The following USH2A variants were observed in gnomAD, a reference collection of about 807,000 sequenced individuals.
USH2A encodes usherin.
Under a neutral mutation model 538.9 loss-of-function variants are expected in USH2A, and 443 were observed. That is an observed-to-expected ratio of 0.82 (90% CI 0.76 to 0.89). USH2A has a LOEUF of 0.89. Among genes scored for constraint, USH2A ranks in the 40% least tolerant of loss-of-function variants. The probability of loss-of-function intolerance (pLI) is 0.00; values close to 1 mark genes in which losing one functional copy is unlikely to be tolerated. For synonymous variants in USH2A, 2,413 were observed against 2,273.5 expected, an observed-to-expected ratio of 1.06 and a Z score of -1.75; for missense variants, 6,633 against 6,324.8, an observed-to-expected ratio of 1.05 and a Z score of -1.65.
At chr1:215,957,971 A>G (rs1418010629) in intron 37 of USH2A, among the ~76,000 whole-genome samples, 1 of 152,090 alleles carries the variant, frequency 6.6e-6, no homozygotes, top group Non-Finnish European at 1.5e-5. Context: ...CAGCTCTGAA[A>G]CCGCAGATTT....
Position 215,728,353 on chromosome 1 carries a change from A to G in USH2A, c.11743T>C (p.Leu3915=), listed in dbSNP as rs1418302113. ...RPAGIEEESV[L]FVWSEGALEF... The stretch of plus-strand genomic sequence containing the variant: ...AGGGCTCCTTCTGACCAGACAAATA[A>G]AACAGACTCCTCTTCAATGCCAGCA... The change falls in exon 61 of 72, where the codon TTA becomes CTA. Residue 3915 remains leucine (L), a synonymous_variant. Coordinates refer to ENST00000307340, the MANE Select transcript of USH2A (RefSeq NM_206933.4). The G allele has an allele frequency of 6.2e-7, 1 of 1,614,172 alleles. No homozygotes were observed. The highest frequency in any genetic ancestry group is 1.7e-5 in the Admixed American group (1 of 60,008).
chr1:215,639,317 G>T, intron 68 of USH2A, 79 bp from the exon 69 acceptor site: 2 of 1,304,804 alleles, frequency 1.5e-6, no homozygotes, highest in Non-Finnish European at 2.2e-6. Flanking sequence ...AAAGAGCAAT[G>T]CATCATAGCA....
chr1:215,657,565 C>A (rs528603939), intron 64 of USH2A, among the ~76,000 whole-genome samples: 37 of 152,308 alleles, frequency 2.4e-4, no homozygotes, highest in African/African-American at 8.4e-4. Context: ...TGCATAGAAC[C>A]TTGCTGGATA....
At chr1:216,177,673 T>C (rs1000758734) in intron 20 of USH2A, among the ~76,000 whole-genome samples, 3 of 152,176 alleles carry the variant, frequency 2.0e-5, no homozygotes, top group Non-Finnish European at 4.4e-5. Flanking sequence ...ACACTGGCAA[T>C]TCTTTGAAGG....
intron 4 of USH2A, among the ~76,000 whole-genome samples, chr1:216,336,862 T>C (rs1427947726): frequency 6.6e-6 from 1 of 151,550 alleles, no homozygotes; most frequent in African/African-American, 2.4e-5. Flanking sequence ...AAAATTTCTT[T>C]GACAAACAAC....
At chr1:216,362,957 AAAT>A (rs2038523284) in intron 4 of USH2A, among the ~76,000 whole-genome samples, 1 of 151,040 alleles carries the variant, frequency 6.6e-6, no homozygotes, top group Non-Finnish European at 1.5e-5. Flanking sequence ...AATAATAATA[AAAT>A]AATAATATTA....
At chr1:216,398,350 G>A (rs141586049) in intron 3 of USH2A, among the ~76,000 whole-genome samples, 172 of 152,046 alleles carry the variant, frequency 1.1e-3, no homozygotes, top group Non-Finnish European at 3.7e-4. Flanking sequence ...CCTAGTTTTC[G>A]TTGTTGTTTT....
At chr1:215,889,533 G>T (rs1360471907) in intron 40 of USH2A, among the ~76,000 whole-genome samples, 1 of 151,812 alleles carries the variant, frequency 6.6e-6, no homozygotes, top group East Asian at 1.9e-4. Flanking sequence ...TATTATACTT[G>T]GTTCTGTTTA....
intron 32 of USH2A, among the ~76,000 whole-genome samples, chr1:216,045,257 A>G (rs1429305799): frequency 6.6e-6 from 1 of 152,162 alleles, no homozygotes; most frequent in African/African-American, 2.4e-5. Flanking sequence ...CATACAGTAT[A>G]TAAAATAATA....
chr1:215,879,789 A>G (rs939627495), intron 41 of USH2A, among the ~76,000 whole-genome samples: 1 of 152,210 alleles, frequency 6.6e-6, no homozygotes, highest in Non-Finnish European at 1.5e-5. Context: ...GAATGTCTGA[A>G]GTTTATTTTC....
intron 26 of USH2A, among the ~76,000 whole-genome samples, chr1:216,081,759 T>C (rs980888645): frequency 6.6e-6 from 1 of 151,928 alleles, no homozygotes; most frequent in Non-Finnish European, 1.5e-5. Flanking sequence ...ACTTTTTATT[T>C]TTATTTTTAT....
chr1:216,259,980 G>T (rs1444587318), intron 11 of USH2A, among the ~76,000 whole-genome samples: 3 of 152,006 alleles, frequency 2.0e-5, no homozygotes, highest in African/African-American at 7.2e-5. Flanking sequence ...ACTGCAGTAC[G>T]AGTGCAGGCT....
At chr1:216,050,560 T>TTTTCTTTCTTTC (rs67191347) in intron 30 of USH2A, among the ~76,000 whole-genome samples, 3,072 of 35,694 alleles carry the variant, frequency 0.086, 509 homozygotes, top group South Asian at 0.18. Context: ...ATTTGTATCT[T>TTTTCTTTCTTTC]TTTCTTTCTT....
chr1:215,672,128 C>T (rs949125308), intron 63 of USH2A, among the ~76,000 whole-genome samples: 1 of 152,182 alleles, frequency 6.6e-6, no homozygotes, highest in Non-Finnish European at 1.5e-5. Context: ...TCCTTTCCAA[C>T]AAAATGAGTT....
chr1:215,954,023 G>C lies in USH2A; in HGVS notation c.7120+11294C>G, dbSNP rs977036176. Among the ~76,000 whole-genome samples, 262 of 152,258 alleles carry C rather than the reference G, an allele frequency of 1.7e-3. 3 individuals are homozygous for C. Among genetic ancestry groups the C allele is most frequent in the Admixed American group, 0.011 (174 of 15,298 alleles). On this transcript the variant is annotated intron_variant, in intron 37 of 71. Transcript: ENST00000307340. ...TCAAAACCACAATGAGATACCATCT[G>C]ACACCAGTTAGGATGGCAATCATTA...
chr1:215,686,586 A>G (rs1658429760), intron 61 of USH2A, among the ~76,000 whole-genome samples: 1 of 152,106 alleles, frequency 6.6e-6, no homozygotes, highest in Non-Finnish European at 1.5e-5. Flanking sequence ...GTTAGGAAAC[A>G]ATAAGTAACA....
chr1:215,824,209 T>G (rs1272438243), intron 47 of USH2A, among the ~76,000 whole-genome samples: 1 of 152,208 alleles, frequency 6.6e-6, no homozygotes, highest in Non-Finnish European at 1.5e-5. Flanking sequence ...CATCCTCTCA[T>G]ATATTACTCT....
chr1:215,965,923 T>TCACACACACACACACACACA (rs34484768), intron 36 of USH2A, among the ~76,000 whole-genome samples: 7 of 142,470 alleles, frequency 4.9e-5, no homozygotes, highest in African/African-American at 1.8e-4. Context: ...CTCTTCTCTG[T>TCACACACACACACACACACA]CACACACACA....
At chr1:216,115,815 GAATGCCATTT>G (rs2032995223) in intron 21 of USH2A, among the ~76,000 whole-genome samples, 1 of 151,706 alleles carries the variant, frequency 6.6e-6, no homozygotes, top group Non-Finnish European at 1.5e-5. Flanking sequence ...AATATAAATT[GAATGCCATTT>G]AATGACATTG....
Sources: gnomAD v4.1 joint callset for allele counts (sites outside exome capture counted in the v4.1 genomes callset) on GRCh38, gnomAD v4.1.1 for gene constraint, MANE v1.5 for transcripts, NCBI Gene and HGNC (gene_info 2026-07-23, HGNC 2026-07-21) for gene names.